Variants in EVA1A observed in about 807,000 individuals in gnomAD.
The protein encoded by EVA1A is protein eva-1 homolog A.
EVA1A carries 7 observed loss-of-function variants against 9.8 expected under a neutral mutation model. The ratio of observed to expected loss-of-function variants is 0.71; its 90% confidence interval spans 0.41 to 1.34. The LOEUF (loss-of-function observed/expected upper bound fraction) is 1.34. Among genes scored for constraint, EVA1A ranks in the 40% most tolerant of loss-of-function variants. The pLI is 0.01. For synonymous variants in EVA1A, 90 were observed against 85.6 expected, an observed-to-expected ratio of 1.05 and a Z score of -0.28; for missense variants, 206 against 205.9, an observed-to-expected ratio of 1.00 and a Z score of 0.00.
chr2:75,498,631 C>T (rs1279061440), intron 3 of EVA1A, among the ~76,000 whole-genome samples: 1 of 152,108 alleles, frequency 6.6e-6, no homozygotes, highest in African/African-American at 2.4e-5. Flanking sequence ...AACACTGTTT[C>T]AGGAAAAGAT....
chr2:75,533,310 A>G (rs1261679606), intron 1 of EVA1A, among the ~76,000 whole-genome samples: 1 of 152,194 alleles, frequency 6.6e-6, no homozygotes, highest in Non-Finnish European at 1.5e-5. Context: ...GTCAAAAGGC[A>G]GTAAGTAGCA....
At chr2:75,493,707 A>G (rs1416126640) in intron 3 of EVA1A, 98 bp from the exon 4 acceptor site, 2 of 1,155,506 alleles carry the variant, frequency 1.7e-6, no homozygotes, top group Admixed American at 3.1e-5. Flanking sequence ...CCAGGCCCCA[A>G]AGTTTTGATG....
chr2:75,526,860 G>A (rs1675462351), intron 1 of EVA1A, among the ~76,000 whole-genome samples: 1 of 152,220 alleles, frequency 6.6e-6, no homozygotes, highest in Admixed American at 6.5e-5. Flanking sequence ...GTTCTGCCTT[G>A]TAGGAAGAAA....
At chr2:75,514,014 A>T (rs1002368425) in intron 3 of EVA1A, among the ~76,000 whole-genome samples, 3 of 152,228 alleles carry the variant, frequency 2.0e-5, no homozygotes, top group African/African-American at 7.2e-5. Context: ...GCTAAAAAAT[A>T]AAAAGAATTG....
At chr2:75,527,715 G>T (rs915229761) in intron 1 of EVA1A, among the ~76,000 whole-genome samples, 5 of 152,068 alleles carry the variant, frequency 3.3e-5, no homozygotes, top group Non-Finnish European at 7.4e-5. Context: ...AAAAGTCTCT[G>T]CAAATAAAGA....
intron 1 of EVA1A, among the ~76,000 whole-genome samples, chr2:75,537,545 T>C (rs906480102): frequency 1.3e-5 from 2 of 152,180 alleles, no homozygotes; most frequent in African/African-American, 2.4e-5. Context: ...GCAGGTGATA[T>C]GGCTGTCAAT....
At chr2:75,544,066 T>C (rs923807665) in intron 1 of EVA1A, among the ~76,000 whole-genome samples, 6 of 152,222 alleles carry the variant, frequency 3.9e-5, no homozygotes, top group Admixed American at 3.3e-4. Context: ...CAGGTTATAA[T>C]ATACTCATGC....
chr2:75,531,986 C>T (rs1042233906), intron 1 of EVA1A, among the ~76,000 whole-genome samples: 6 of 151,810 alleles, frequency 4.0e-5, no homozygotes, highest in South Asian at 2.1e-4. Context: ...GGTGAAACCC[C>T]GTCTCTACTA....
At chr2:75,514,575 C>T (rs1394641624) in intron 3 of EVA1A, among the ~76,000 whole-genome samples, 1 of 151,948 alleles carries the variant, frequency 6.6e-6, no homozygotes, top group East Asian at 1.9e-4. Flanking sequence ...ATTAAAAATA[C>T]ATATACCTTC....
intron 3 of EVA1A, among the ~76,000 whole-genome samples, chr2:75,514,130 G>T (rs1674920328): frequency 6.6e-6 from 1 of 152,190 alleles, no homozygotes; most frequent in Admixed American, 6.6e-5. Flanking sequence ...GATAAGGCAG[G>T]CGAAAACATG....
At chr2:75,533,385 G>A (rs1173958179) in intron 1 of EVA1A, among the ~76,000 whole-genome samples, 3 of 152,074 alleles carry the variant, frequency 2.0e-5, no homozygotes, top group Admixed American at 1.3e-4. Context: ...CAGCAAAACT[G>A]CCCTTCAAGA....
intron 1 of EVA1A, chr2:75,558,568 G>A (rs1676806142): frequency 6.6e-6 from 1 of 152,286 alleles, no homozygotes; most frequent in Non-Finnish European, 1.5e-5. Flanking sequence ...CCAACCTGGG[G>A]CAGGGCAGGG....
At chr2:75,549,533 G>C (rs1284254643) in intron 1 of EVA1A, among the ~76,000 whole-genome samples, 1 of 152,192 alleles carries the variant, frequency 6.6e-6, no homozygotes, top group Non-Finnish European at 1.5e-5. Context: ...GAGAGACCTG[G>C]CTGGGAGGAG....
chr2:75,534,659 C>G (rs570349193), intron 1 of EVA1A, among the ~76,000 whole-genome samples: 16 of 151,888 alleles, frequency 1.1e-4, no homozygotes, highest in Non-Finnish European at 2.2e-4. Context: ...TAAAAATGAC[C>G]CTTTGTTGGA....
At chr2:75,509,330 A>G (rs1003366880) in intron 3 of EVA1A, among the ~76,000 whole-genome samples, 2 of 152,194 alleles carry the variant, frequency 1.3e-5, no homozygotes, top group African/African-American at 4.8e-5. Context: ...ATGTAAGATT[A>G]TTGATGGGCT....
At chr2:75,535,883 G>A (rs1319665006) in intron 1 of EVA1A, among the ~76,000 whole-genome samples, 3 of 152,086 alleles carry the variant, frequency 2.0e-5, no homozygotes, top group South Asian at 2.1e-4. Flanking sequence ...ACCACTGTAC[G>A]ATTCATCCAT....
intron 3 of EVA1A, among the ~76,000 whole-genome samples, chr2:75,496,321 AT>A (rs1192820705): frequency 1.3e-5 from 2 of 152,242 alleles, no homozygotes; most frequent in Non-Finnish European, 2.9e-5. Context: ...CAAACAGATA[AT>A]TGACTTCAGT....
chr2:75,522,545 C>G (rs1323668573), intron 1 of EVA1A, 58 bp from the exon 2 acceptor site: 1 of 152,174 alleles, frequency 6.6e-6, no homozygotes, highest in Non-Finnish European at 1.5e-5. Flanking sequence ...TCACATCATA[C>G]CTTAGACCTG....
chr2:75,555,275 G>A (rs1009827300), intron 1 of EVA1A, among the ~76,000 whole-genome samples: 2 of 115,710 alleles, frequency 1.7e-5, no homozygotes, highest in African/African-American at 5.9e-5. Context: ...GATTTTATGT[G>A]AAACAGACTT....
Sources: gnomAD v4.1 joint callset for allele counts (sites outside exome capture counted in the v4.1 genomes callset) on GRCh38, gnomAD v4.1.1 for gene constraint, MANE v1.5 for transcripts, NCBI Gene and HGNC (gene_info 2026-07-23, HGNC 2026-07-21) for gene names.